The following MAEA variants were observed in gnomAD, a reference collection of about 807,000 sequenced individuals.
MAEA encodes macrophage erythroblast attacher, E3 ubiquitin ligase.
In MAEA, 22 loss-of-function variants were observed where a neutral mutation model predicts 46.2. The ratio of observed to expected loss-of-function variants is 0.48; its 90% CI spans 0.34 to 0.68. The LOEUF is 0.68. Ranked by LOEUF, MAEA falls within the 30% of genes least tolerant of loss-of-function variation. MAEA has a pLI of 0.01. For missense variants in MAEA, 393 were observed against 558.1 expected, an observed-to-expected ratio of 0.70 and a Z score of 2.98; for synonymous variants, 246 against 222.6, an observed-to-expected ratio of 1.11 and a Z score of -0.94.
chr4:1,309,865 A>G, intron 1 of MAEA: 2 of 1,307,196 alleles, frequency 1.5e-6, no homozygotes. Context: ...CAGCGTCAGC[A>G]CCGCGGTGAG....
chr4:1,320,638 A>G (rs1464609545), intron 3 of MAEA, among the ~76,000 whole-genome samples: 1 of 151,082 alleles, frequency 6.6e-6, no homozygotes, highest in Non-Finnish European at 1.5e-5. Context: ...ATCAGAAAAG[A>G]AATAATCAAA....
chr4:1,308,050 G>A (rs924896062), intron 1 of MAEA, among the ~76,000 whole-genome samples: 2 of 150,738 alleles, frequency 1.3e-5, no homozygotes, highest in African/African-American at 2.4e-5. Context: ...GAAATGCATC[G>A]TTAGGCGACT....
chr4:1,297,756 T>C (rs1338847379), intron 1 of MAEA, among the ~76,000 whole-genome samples: 1 of 152,176 alleles, frequency 6.6e-6, no homozygotes, highest in Non-Finnish European at 1.5e-5. Context: ...GCCGAACCAA[T>C]TTCTCCCCCG....
chr4:1,322,924 T>C (rs1224774236), intron 4 of MAEA, among the ~76,000 whole-genome samples: 2 of 149,872 alleles, frequency 1.3e-5, no homozygotes, highest in East Asian at 2.0e-4. Context: ...TGGGCTGTGA[T>C]ATTGTTAATG....
intron 1 of MAEA, chr4:1,309,519 G>T (rs1736201550): frequency 7.4e-7 from 1 of 1,356,960 alleles, no homozygotes; most frequent in Non-Finnish European, 9.5e-7. Context: ...TGGAGGGAGA[G>T]GGGGTGCTGC....
intron 4 of MAEA, among the ~76,000 whole-genome samples, chr4:1,323,960 G>A (rs1738473696): frequency 6.6e-6 from 1 of 151,288 alleles, no homozygotes; most frequent in African/African-American, 2.4e-5. Flanking sequence ...TGTTGGATAA[G>A]TTGAGATTGG....
intron 1 of MAEA, among the ~76,000 whole-genome samples, chr4:1,303,645 G>A (rs1422279490): frequency 1.3e-5 from 2 of 152,068 alleles, no homozygotes; most frequent in Non-Finnish European, 2.9e-5. Context: ...GATTGCCTGG[G>A]TCTGAGGGGA....
intron 1 of MAEA, among the ~76,000 whole-genome samples, chr4:1,297,749 G>A (rs561863550): frequency 9.2e-5 from 14 of 152,294 alleles, no homozygotes; most frequent in South Asian, 8.3e-4. Flanking sequence ...GCTGTTGGCC[G>A]AACCAATTTC....
At chr4:1,309,479 A>G in intron 1 of MAEA, 1 of 1,315,444 alleles carries the variant, frequency 7.6e-7, no homozygotes, top group Non-Finnish European at 9.7e-7. Flanking sequence ...TGTGGGGAGG[A>G]GCTGCTGTCT....
rs370587786 is a variant in MAEA, at chr4:1,336,977, C to T, written c.882C>T (p.Leu294=). ...TCACCCTCACCCTGCAGGCTGGCCTCTCAGCCATCAAGACACCGTATCCTA... is the reference window on the plus strand; with the variant it reads ...TCACCCTCACCCTGCAGGCTGGCCTTTCAGCCATCAAGACACCGTATCCTA... ...SVFTLTLQAG[L]SAIKTPQCYK... The change falls in exon 7 of 9, where the codon CTC becomes CTT. Residue 294 remains leucine (L), a synonymous_variant. Transcript: ENST00000303400. 7 of 1,613,898 alleles carry T rather than the reference C, an allele frequency of 4.3e-6. No homozygotes were observed. The highest frequency in any genetic ancestry group is 1.3e-5 in the African/African-American group (1 of 74,946).
At chr4:1,309,572 TGGA>T (rs1736210823) in intron 1 of MAEA, 6 of 1,484,896 alleles carry the variant, frequency 4.0e-6, no homozygotes, top group Non-Finnish European at 5.4e-6. Context: ...GGGCCAGCGC[TGGA>T]GGAGGAGCAG....
chr4:1,333,099 G>A (rs956149651), intron 6 of MAEA, among the ~76,000 whole-genome samples: 1 of 152,148 alleles, frequency 6.6e-6, no homozygotes, highest in Non-Finnish European at 1.5e-5. Context: ...ACTTTGGGAG[G>A]CTGAGGTGGG....
chr4:1,300,828 A>C (rs1281667627), intron 1 of MAEA, among the ~76,000 whole-genome samples: 2 of 152,218 alleles, frequency 1.3e-5, no homozygotes, highest in Non-Finnish European at 2.9e-5. Context: ...TCAGAAGTTG[A>C]CTGGAAGTGT....
At chr4:1,320,709 G>A (rs911625177) in intron 3 of MAEA, among the ~76,000 whole-genome samples, 2 of 151,808 alleles carry the variant, frequency 1.3e-5, no homozygotes, top group African/African-American at 2.4e-5. Context: ...ACATGAACAT[G>A]CAAGAAGACG....
At chr4:1,310,080 T>C (rs1298611023) in intron 1 of MAEA, 16 of 1,016,394 alleles carry the variant, frequency 1.6e-5, no homozygotes, top group Admixed American at 5.3e-5. Context: ...GAAGACTTTC[T>C]GTCCTGCTCT....
chr4:1,330,104 T>C (rs1711506622), intron 5 of MAEA: 3 of 985,470 alleles, frequency 3.0e-6, no homozygotes, highest in East Asian at 1.1e-4. Flanking sequence ...TTTGTGGGTT[T>C]TTGCGAAATG....
At chr4:1,333,221 A>G (rs1712079044) in intron 6 of MAEA, among the ~76,000 whole-genome samples, 1 of 152,044 alleles carries the variant, frequency 6.6e-6, no homozygotes, top group Non-Finnish European at 1.5e-5. Context: ...ACCTGCCTAT[A>G]GTCCAGCTAC....
chr4:1,310,720 G>A (rs1030113626), intron 1 of MAEA, among the ~76,000 whole-genome samples: 2 of 152,232 alleles, frequency 1.3e-5, no homozygotes, highest in Non-Finnish European at 2.9e-5. Flanking sequence ...CGTCGGCGCT[G>A]GGGGATGTCT....
rs1739169655 is a variant in MAEA, at chr4:1,328,791, C to A, written c.656+1088C>A. ...GAGGCCCGGGGTCCTGCTCCGGCTC[C>A]TGATGCTGACCTGGGCGCATGGTGG... On this transcript the variant is annotated intron_variant, in intron 5 of 8. Coordinates refer to ENST00000303400, the MANE Select transcript of MAEA (RefSeq NM_001017405.3). 7.3e-6 allele frequency: 8 copies of A among 1,102,598 alleles called. No individual in the cohort carries two copies. The South Asian group carries it at 1.4e-4, about 19-fold the overall frequency. 68.3% of individuals were successfully genotyped at this position (1,102,598 alleles called of 1,614,324 possible).
Sources: allele counts gnomAD v4.1 joint callset (sites outside exome capture counted in the v4.1 genomes callset), GRCh38; gene constraint gnomAD v4.1.1; transcripts MANE v1.5; gene names NCBI Gene and HGNC (gene_info 2026-07-23, HGNC 2026-07-21).